The following SLC25A48 variants were observed in gnomAD, a reference collection of about 807,000 sequenced individuals.
SLC25A48 encodes the protein CTC-321K16.1.
Under a neutral mutation model 32.2 loss-of-function variants are expected in SLC25A48, and 29 were observed. The observed-to-expected ratio is 0.90, with a 90% confidence interval of 0.67 to 1.23. SLC25A48 has a LOEUF of 1.23. SLC25A48 is among the 50% of genes most tolerant of loss of function. The pLI is 0.00. For synonymous variants in SLC25A48, 164 were observed against 172.3 expected (o/e 0.95, Z 0.38); for missense variants, 399 against 422.7 (o/e 0.94, Z 0.49).
At chr5:135,818,520 C>T (rs1038123122) in intron 4 of SLC25A48, among the ~76,000 whole-genome samples, 1 of 152,178 alleles carries the variant, frequency 6.6e-6, no homozygotes, top group Non-Finnish European at 1.5e-5. Flanking sequence ...GCTTAGAGAA[C>T]TGAAATTTGC....
At chr5:135,630,595 T>G (rs1280741449) in intron 2 of SLC25A48, among the ~76,000 whole-genome samples, 2 of 82,718 alleles carry the variant, frequency 2.4e-5, no homozygotes, top group Non-Finnish European at 4.8e-5. Flanking sequence ...CACCTTTTTT[T>G]TTTTTTTTTT....
intron 3 of SLC25A48, among the ~76,000 whole-genome samples, chr5:135,643,530 T>G (rs1169923226): frequency 6.6e-6 from 1 of 152,222 alleles, no homozygotes; most frequent in Admixed American, 6.5e-5. Context: ...CTTGCTCTCC[T>G]GCAATGCTAA....
chr5:135,721,228 G>GTTTTTTTT (rs1754948075), intron 3 of SLC25A48, among the ~76,000 whole-genome samples: 1 of 55,820 alleles, frequency 1.8e-5, no homozygotes, highest in Non-Finnish European at 4.2e-5. Flanking sequence ...TTTTGACAGA[G>GTTTTTTTT]TCTTGCTCTG....
At chr5:135,611,522 A>AAAAAAAG (rs1752067000) in intron 1 of SLC25A48, among the ~76,000 whole-genome samples, 1 of 143,844 alleles carries the variant, frequency 7.0e-6, no homozygotes, top group East Asian at 2.0e-4. Flanking sequence ...AAAAAAAAAA[A>AAAAAAAG]AAAAAGAAAA....
intron 3 of SLC25A48, among the ~76,000 whole-genome samples, chr5:135,798,310 G>T (rs376256634): frequency 4.0e-4 from 60 of 151,804 alleles, no homozygotes; most frequent in African/African-American, 1.4e-3. Context: ...TCCCAATATC[G>T]CAGGTGGTGT....
chr5:135,700,197 C>A (rs1375372107), intron 3 of SLC25A48, among the ~76,000 whole-genome samples: 1 of 151,628 alleles, frequency 6.6e-6, no homozygotes, highest in South Asian at 2.1e-4. Flanking sequence ...CATAGCAAAA[C>A]CCCATCTCTA....
At chr5:135,794,862 T>C (rs1408014616) in intron 3 of SLC25A48, among the ~76,000 whole-genome samples, 3 of 151,838 alleles carry the variant, frequency 2.0e-5, no homozygotes, top group African/African-American at 7.3e-5. Flanking sequence ...ATTCCCAGTA[T>C]ATCAGGGGGT....
At chr5:135,862,746 T>C (rs965053629) in intron 4 of SLC25A48, among the ~76,000 whole-genome samples, 3 of 151,992 alleles carry the variant, frequency 2.0e-5, no homozygotes, top group Non-Finnish European at 2.9e-5. Flanking sequence ...GGGAACAACA[T>C]AGGGGAAGAT....
chr5:135,669,455 G>A (rs1330443033), intron 3 of SLC25A48, among the ~76,000 whole-genome samples: 1 of 152,112 alleles, frequency 6.6e-6, no homozygotes, highest in Non-Finnish European at 1.5e-5. Flanking sequence ...GGAAGGGATG[G>A]AACTCAAGCA....
chr5:135,638,406 T>G (rs1580743873), intron 3 of SLC25A48, among the ~76,000 whole-genome samples: 1 of 151,854 alleles, frequency 6.6e-6, no homozygotes, highest in African/African-American at 2.4e-5. Flanking sequence ...ATTTGGTAGG[T>G]GGGGGAGGGG....
chr5:135,859,433 CA>C (rs1180376881), intron 4 of SLC25A48, among the ~76,000 whole-genome samples: 1 of 152,194 alleles, frequency 6.6e-6, no homozygotes, highest in Admixed American at 6.5e-5. Context: ...TCCCATGACA[CA>C]TGGGGATTAT....
chr5:135,732,043 A>G (rs1425126955), intron 3 of SLC25A48, among the ~76,000 whole-genome samples: 1 of 152,272 alleles, frequency 6.6e-6, no homozygotes, highest in Non-Finnish European at 1.5e-5. Context: ...AGGAGTGTCC[A>G]TACAGGAGCT....
intron 4 of SLC25A48, among the ~76,000 whole-genome samples, chr5:135,829,543 G>A (rs1198056750): frequency 6.6e-6 from 1 of 152,166 alleles, no homozygotes. Flanking sequence ...GGCAGCCCAG[G>A]GCACTGGGAT....
rs117718803 is a variant in SLC25A48 at position 135,838,285 on chromosome 5, A to T, written c.46+3392A>T. On this transcript the variant is annotated intron_variant, in intron 1 of 7. Transcript: ENST00000681962. ...TTCAAGATGTGATTTTGGTGCTGCTAAAAGCATTCAGTTTTATGTATTCAC... is the reference window on the plus strand; with the variant it reads ...TTCAAGATGTGATTTTGGTGCTGCTTAAAGCATTCAGTTTTATGTATTCAC... 4.1e-4 allele frequency among the ~76,000 whole-genome samples: 62 copies of T among 152,374 alleles called. 1 individual carries two copies. The East Asian group carries it at 0.01, about 26-fold the overall frequency.
chr5:135,704,553 C>T (rs1405022660), intron 3 of SLC25A48, among the ~76,000 whole-genome samples: 1 of 152,160 alleles, frequency 6.6e-6, no homozygotes, highest in Non-Finnish European at 1.5e-5. Context: ...ATGTAAGGGT[C>T]AGATAGGACC....
intron 6 of SLC25A48, chr5:135,874,741 C>CCCTT: frequency 1.4e-6 from 1 of 699,220 alleles, no homozygotes; most frequent in East Asian, 2.7e-5. Flanking sequence ...TAACACACAC[C>CCCTT]CCTTCCCACC....
intron 1 of SLC25A48, among the ~76,000 whole-genome samples, chr5:135,586,897 A>C (rs1172712428): frequency 6.6e-6 from 1 of 152,212 alleles, no homozygotes; most frequent in Non-Finnish European, 1.5e-5. Flanking sequence ...GGGTTGTGTG[A>C]TTCGGTTTTG....
upstream of SLC25A48, among the ~76,000 whole-genome samples, chr5:135,834,235 C>A (rs1049703818): frequency 6.6e-6 from 1 of 152,182 alleles, no homozygotes; most frequent in Non-Finnish European, 1.5e-5. Context: ...CAGGGCCAGG[C>A]AGGGAGCTGG....
intron 7 of SLC25A48, 129 bp downstream of exon 7, chr5:135,880,226 C>G (rs983748764): frequency 1.5e-6 from 2 of 1,328,754 alleles, no homozygotes; most frequent in Admixed American, 5.5e-5. Context: ...CTGTGGTAGG[C>G]TGGGGCTGCC....
Sources: allele counts gnomAD v4.1 joint callset (sites outside exome capture counted in the v4.1 genomes callset), GRCh38; gene constraint gnomAD v4.1.1; transcripts MANE v1.5; gene names NCBI Gene and HGNC (gene_info 2026-07-23, HGNC 2026-07-21).